The following SEMA5A variants were observed in gnomAD, a reference collection of about 807,000 sequenced individuals.
The protein encoded by SEMA5A is semaphorin 5A, also known as semaphorin-5A.
A neutral mutation model predicts 135.5 loss-of-function variants in SEMA5A; 55 were observed. The ratio of observed to expected loss-of-function variants is 0.41; its 90% CI spans 0.33 to 0.51. The LOEUF is 0.51. Among genes scored for constraint, SEMA5A ranks in the 20% least tolerant of loss-of-function variants. The pLI is 0.37. For synonymous variants in SEMA5A, 580 were observed against 546.5 expected (o/e 1.06, Z -0.85); for missense variants, 1,290 against 1,419.9 (o/e 0.91, Z 1.47).
intron 6 of SEMA5A, among the ~76,000 whole-genome samples, chr5:9,227,677 A>G (rs1425693847): frequency 6.6e-6 from 1 of 150,878 alleles, no homozygotes; most frequent in Non-Finnish European, 1.5e-5. Context: ...CAGCCTCCCG[A>G]GTAGCTGGGA....
intron 16 of SEMA5A, among the ~76,000 whole-genome samples, chr5:9,101,975 T>C (rs953399243): frequency 6.6e-6 from 1 of 152,142 alleles, no homozygotes; most frequent in Non-Finnish European, 1.5e-5. Flanking sequence ...TGGGGTGACA[T>C]TGCCCAAACA....
At position 9,283,515 on chromosome 5, in the gene SEMA5A, C is replaced by A. The variant is rs149188792; in HGVS notation, c.270+34857G>T. 3.2e-3 allele frequency among the ~76,000 whole-genome samples: 489 copies of A among 152,238 alleles called. 2 individuals are homozygous for A. The highest frequency in any genetic ancestry group is 0.012 in the African/African-American group (479 of 41,536). On this transcript the variant is annotated intron_variant, in intron 5 of 22. Coordinates refer to ENST00000382496, the MANE Select transcript of SEMA5A (RefSeq NM_003966.3). ...GGTCAAATCCACTCAGGATGATCTCCCTTTTGACTAACCTATACTCAACTG... is the reference window on the plus strand; with the variant it reads ...GGTCAAATCCACTCAGGATGATCTCACTTTTGACTAACCTATACTCAACTG...
At chr5:9,380,168 C>T (rs1234611548) in intron 2 of SEMA5A, 145 bp from the exon 3 acceptor site, 1 of 542,056 alleles carries the variant, frequency 1.8e-6, no homozygotes, top group Non-Finnish European at 3.2e-6. Flanking sequence ...GCATATTTTT[C>T]TAGTCATATC....
intron 2 of SEMA5A, among the ~76,000 whole-genome samples, chr5:9,395,128 G>C (rs549495344): frequency 6.6e-6 from 1 of 152,320 alleles, no homozygotes; most frequent in East Asian, 1.9e-4. Flanking sequence ...AAGGAGGTAA[G>C]ATTAGTTTTA....
In SEMA5A at chr5:9,221,494, G is replaced by A. The variant is rs40672; in HGVS notation, c.646+3180C>T. ...ATTTTTTCTATTTTTAGTAGAGACG[G>A]GGTTTCACAGTGTTAGCCAGGATGG... is the stretch of plus-strand genomic sequence containing the variant. On this transcript the variant is annotated intron_variant, in intron 8 of 22. Coordinates refer to ENST00000382496, the MANE Select transcript of SEMA5A (RefSeq NM_003966.3). 1.1e-3 allele frequency among the ~76,000 whole-genome samples: 161 copies of A among 150,340 alleles called. 1 individual carries two copies. Among genetic ancestry groups the A allele is most frequent in the South Asian group, 3.0e-3 (14 of 4,682 alleles).
chr5:9,145,641 C>CTT (rs36054284), intron 12 of SEMA5A, among the ~76,000 whole-genome samples: 11,510 of 117,498 alleles, frequency 0.098, 953 homozygotes, highest in Non-Finnish European at 0.14. Flanking sequence ...AAGAAGAAAA[C>CTT]TTTTTTTTTT....
intron 12 of SEMA5A, among the ~76,000 whole-genome samples, chr5:9,138,563 C>G (rs2150224563): frequency 6.6e-6 from 1 of 152,310 alleles, no homozygotes; most frequent in South Asian, 2.1e-4. Context: ...GATGAACCAA[C>G]ATTTATTTAA....
intron 8 of SEMA5A, among the ~76,000 whole-genome samples, chr5:9,218,786 G>C (rs2150402487): frequency 1.3e-5 from 2 of 152,366 alleles, no homozygotes; most frequent in South Asian, 4.1e-4. Flanking sequence ...GATGTAGCTT[G>C]AATGTGCCAG....
chr5:9,405,839 C>T (rs1345938167), intron 2 of SEMA5A, among the ~76,000 whole-genome samples: 3 of 152,136 alleles, frequency 2.0e-5, no homozygotes, highest in South Asian at 2.1e-4. Flanking sequence ...TGCAGGTAAA[C>T]GATGTCTGTA....
intron 13 of SEMA5A, among the ~76,000 whole-genome samples, chr5:9,126,351 C>A (rs1741110223): frequency 6.6e-6 from 1 of 152,032 alleles, no homozygotes; most frequent in Non-Finnish European, 1.5e-5. Flanking sequence ...CACAAGACAG[C>A]AAGGGAAAGA....
At chr5:9,081,150 C>T (rs753531734) in intron 16 of SEMA5A, among the ~76,000 whole-genome samples, 1 of 152,130 alleles carries the variant, frequency 6.6e-6, no homozygotes, top group Non-Finnish European at 1.5e-5. Flanking sequence ...TACAAGATCT[C>T]AGTCCTAAAA....
At chr5:9,174,415 G>A (rs936568241) in intron 11 of SEMA5A, among the ~76,000 whole-genome samples, 8 of 152,132 alleles carry the variant, frequency 5.3e-5, no homozygotes, top group African/African-American at 1.9e-4. Flanking sequence ...TCTCTGCAAA[G>A]GCTTTTTTGA....
intron 1 of SEMA5A, among the ~76,000 whole-genome samples, chr5:9,455,545 C>G (rs757522611): frequency 6.6e-6 from 1 of 152,126 alleles, no homozygotes; most frequent in Non-Finnish European, 1.5e-5. Context: ...CATGAGCCAC[C>G]GCGCCCAGCC....
rs538356070 is a variant in SEMA5A at position 9,225,335 on chromosome 5, C to T, written c.433-448G>A. 2.2e-3 allele frequency among the ~76,000 whole-genome samples: 296 copies of T among 136,264 alleles called. 3 individuals are homozygous for T. Among genetic ancestry groups the T allele is most frequent in the Admixed American group, 4.3e-3 (51 of 11,864 alleles). 89.4% of individuals were successfully genotyped at this position (136,264 alleles called of 152,430 possible). A position where few individuals can be genotyped will look rare whatever the true frequency, so the allele number is the denominator to read the frequency against. ...TTGGGAGGCTGAAGCGGGCAGATCA[C>T]GAGGTCAGGAGATCAAGACCATCCT... On this transcript the variant is annotated intron_variant, in intron 7 of 22. Transcript: ENST00000382496.
intron 15 of SEMA5A, among the ~76,000 whole-genome samples, 180 bp from the exon 16 acceptor site, chr5:9,108,467 G>A (rs555450196): frequency 6.6e-6 from 1 of 152,274 alleles, no homozygotes; most frequent in Admixed American, 6.5e-5. Flanking sequence ...GCCATGCTGT[G>A]TGTGCACAGA....
intron 16 of SEMA5A, among the ~76,000 whole-genome samples, chr5:9,096,779 T>C (rs1739342004): frequency 6.6e-6 from 1 of 152,058 alleles, no homozygotes; most frequent in Middle Eastern, 3.2e-3. Flanking sequence ...TTAAGAAATG[T>C]CAAGGGACTT....
chr5:9,473,248 C>A (rs1442375338), intron 1 of SEMA5A, among the ~76,000 whole-genome samples: 1 of 148,240 alleles, frequency 6.7e-6, no homozygotes, highest in Non-Finnish European at 1.5e-5. Flanking sequence ...GGGAAAAGAA[C>A]TACCAAATCA....
At chr5:9,527,099 G>A (rs1737173168) in intron 1 of SEMA5A, among the ~76,000 whole-genome samples, 1 of 152,154 alleles carries the variant, frequency 6.6e-6, no homozygotes, top group Non-Finnish European at 1.5e-5. Context: ...CAGCGACAGG[G>A]CTAGTCACAG....
chr5:9,240,776 T>C (rs2150460767), intron 5 of SEMA5A, among the ~76,000 whole-genome samples: 1 of 152,220 alleles, frequency 6.6e-6, no homozygotes, highest in Middle Eastern at 3.4e-3. Context: ...TATTATTTCA[T>C]GTATCATGAT....
Sources: gnomAD v4.1 joint callset for allele counts (sites outside exome capture counted in the v4.1 genomes callset) on GRCh38, gnomAD v4.1.1 for gene constraint, MANE v1.5 for transcripts, NCBI Gene and HGNC (gene_info 2026-07-23, HGNC 2026-07-21) for gene names.